KIF16B: variants seen among roughly 807,000 people sequenced by gnomAD.
KIF16B encodes the protein kinesin family member 16B.
KIF16B carries 98 observed loss-of-function variants against 156.3 expected under a neutral mutation model. That is an observed-to-expected ratio of 0.63 (90% CI 0.53 to 0.74). The LOEUF is 0.74. KIF16B is among the 30% of genes least tolerant of loss of function. The probability of loss-of-function intolerance (pLI) is 0.00; values close to 1 mark genes in which losing one functional copy is unlikely to be tolerated. For synonymous variants in KIF16B, 564 were observed against 583.7 expected, an observed-to-expected ratio of 0.97 and a Z score of 0.49; for missense variants, 1,421 against 1,606.5, an observed-to-expected ratio of 0.88 and a Z score of 1.97.
chr20:16,513,032 C>A lies in KIF16B; in HGVS notation c.349-109G>T, dbSNP rs189008386. 2.7e-5 allele frequency: 20 copies of A among 739,200 alleles called. No homozygotes were observed. The African/African-American group carries it at 2.8e-4, about 10-fold the overall frequency. The allele number at this position is 739,200 out of a possible 1,614,324, so 45.8% of individuals were successfully genotyped here. A position where few individuals can be genotyped will look rare whatever the true frequency, so the allele number is the denominator to read the frequency against. On this transcript the variant is annotated intron_variant, in intron 4 of 25. Coordinates refer to ENST00000354981, the MANE Select transcript of KIF16B (RefSeq NM_024704.5). Reference sequence around the variant, plus strand: ...TAGACTCAAGTGACCTGTATGCCAACCCCTGGCCTACCACAGCCCACGCCA... The same window carrying A: ...TAGACTCAAGTGACCTGTATGCCAAACCCTGGCCTACCACAGCCCACGCCA...
intron 1 of KIF16B, among the ~76,000 whole-genome samples, chr20:16,536,596 A>C (rs1210079304): frequency 6.6e-6 from 1 of 152,196 alleles, no homozygotes; most frequent in African/African-American, 2.4e-5. Flanking sequence ...CACAAATATA[A>C]AGTTTGTCAA....
At chr20:16,537,627 T>C (rs1043968828) in intron 1 of KIF16B, among the ~76,000 whole-genome samples, 4 of 151,976 alleles carry the variant, frequency 2.6e-5, no homozygotes, top group African/African-American at 9.7e-5. Flanking sequence ...CCTACATTCC[T>C]GGTTCTTGCC....
In KIF16B at chr20:16,273,351, T is replaced by C. The variant is rs2063010114; in HGVS notation, c.3856A>G (p.Asn1286Asp). 1 of 1,613,470 alleles carries C rather than the reference T, an allele frequency of 6.2e-7. No individual in the cohort carries two copies. The highest frequency in any genetic ancestry group is 8.5e-7 in the Non-Finnish European group (1 of 1,179,516). ...TTCGAGAGAGTCAGTCCCACTTTGTTGATGTGGAGGGGAGATGTTGCGGAC... is the reference window on the plus strand; with the variant it reads ...TTCGAGAGAGTCAGTCCCACTTTGTCGATGTGGAGGGGAGATGTTGCGGAC... ...LQSATSPLHI[N>D]KVGLTLSKHT... Residue 1286 changes from asparagine (N) to aspartate (D), a missense_variant, in exon 26 of 26, where the codon AAC (asparagine) becomes GAC (aspartate). Physicochemically the swap from Asn to Asp is conservative, Grantham distance 23. Transcript: ENST00000354981.
chr20:16,324,503 T>C (rs1296625084), intron 24 of KIF16B, among the ~76,000 whole-genome samples: 1 of 152,048 alleles, frequency 6.6e-6, no homozygotes, highest in African/African-American at 2.4e-5. Flanking sequence ...TCCAAGCTCA[T>C]TGCTGTGGAA....
chr20:16,548,016 A>C lies in KIF16B; in HGVS notation c.48-19576T>G, dbSNP rs62196287. Reference sequence around the variant, plus strand: ...TGAGAAGGGTGAGAATCAGCGTCCTAATTCTTGTTTCTCTAGCTCCCCCAT... The same window carrying C: ...TGAGAAGGGTGAGAATCAGCGTCCTCATTCTTGTTTCTCTAGCTCCCCCAT... On this transcript the variant is annotated intron_variant, in intron 1 of 25. Coordinates refer to ENST00000354981, the MANE Select transcript of KIF16B (RefSeq NM_024704.5). 1.3e-3 allele frequency among the ~76,000 whole-genome samples: 205 copies of C among 152,210 alleles called. 1 individual carries two copies. Among genetic ancestry groups the C allele is most frequent in the Admixed American group, 1.8e-3 (28 of 15,280 alleles).
chr20:16,494,501 A>T, intron 11 of KIF16B, 151 bp from the exon 12 acceptor site: 2 of 566,504 alleles, frequency 3.5e-6, no homozygotes, highest in Non-Finnish European at 6.2e-6. Context: ...ATCACCAAAG[A>T]TAAATCAAAC....
At chr20:16,532,755 A>C (rs16997830) in intron 1 of KIF16B, among the ~76,000 whole-genome samples, 6,079 of 152,252 alleles carry the variant, frequency 0.04, 210 homozygotes, top group South Asian at 0.15. Flanking sequence ...GGAACACAAA[A>C]TTATCCAGCT....
At chr20:16,348,995 T>C (rs951451763) in intron 23 of KIF16B, among the ~76,000 whole-genome samples, 9 of 152,166 alleles carry the variant, frequency 5.9e-5, no homozygotes, top group African/African-American at 2.2e-4. Flanking sequence ...CCTGGTCCCA[T>C]CCTGGTACCA....
intron 22 of KIF16B, among the ~76,000 whole-genome samples, chr20:16,364,876 C>T (rs750976883): frequency 5.3e-5 from 8 of 152,104 alleles, no homozygotes; most frequent in Non-Finnish European, 1.2e-4. Flanking sequence ...ATACGATGCT[C>T]GTATCTGCTG....
At chr20:16,477,341 A>T (rs1270066908) in intron 12 of KIF16B, among the ~76,000 whole-genome samples, 1 of 143,844 alleles carries the variant, frequency 7.0e-6, no homozygotes, top group African/African-American at 2.5e-5. Flanking sequence ...TTAGTTATTT[A>T]AGCCACACAG....
At chr20:16,338,669 T>A (rs1173289985) in intron 23 of KIF16B, among the ~76,000 whole-genome samples, 1 of 152,152 alleles carries the variant, frequency 6.6e-6, no homozygotes, top group Admixed American at 6.5e-5. Flanking sequence ...TAAAACCAAC[T>A]GTCTGCTCAC....
At chr20:16,370,207 T>C (rs2064782723) in intron 22 of KIF16B, among the ~76,000 whole-genome samples, 1 of 152,210 alleles carries the variant, frequency 6.6e-6, no homozygotes, top group Non-Finnish European at 1.5e-5. Flanking sequence ...ATCAAGAGTA[T>C]TTCCTTTATA....
At chr20:16,421,441 A>C (rs1037424765) in intron 15 of KIF16B, among the ~76,000 whole-genome samples, 2 of 152,094 alleles carry the variant, frequency 1.3e-5, no homozygotes, top group African/African-American at 4.8e-5. Context: ...TATCTGTCTC[A>C]TTCATGACTC....
At chr20:16,328,466 T>C (rs1387896031) in intron 24 of KIF16B, among the ~76,000 whole-genome samples, 2 of 152,198 alleles carry the variant, frequency 1.3e-5, no homozygotes, top group Non-Finnish European at 2.9e-5. Flanking sequence ...TACATTTTAA[T>C]ACATGAAATG....
intron 25 of KIF16B, among the ~76,000 whole-genome samples, chr20:16,307,196 G>C (rs1036797617): frequency 2.0e-5 from 3 of 152,120 alleles, no homozygotes; most frequent in Non-Finnish European, 2.9e-5. Flanking sequence ...TGTGGTTTTA[G>C]AGGATTTCAT....
At chr20:16,332,344 C>A (rs775129444) in intron 24 of KIF16B, among the ~76,000 whole-genome samples, 1 of 152,104 alleles carries the variant, frequency 6.6e-6, no homozygotes, top group African/African-American at 2.4e-5. Flanking sequence ...ACCTGGCCCA[C>A]GGTCAGCACC....
intron 12 of KIF16B, among the ~76,000 whole-genome samples, chr20:16,442,612 A>C (rs2066833480): frequency 6.6e-6 from 1 of 152,078 alleles, no homozygotes; most frequent in South Asian, 2.1e-4. Context: ...ATTAAAGCCA[A>C]AATCCTCTGG....
intron 17 of KIF16B, among the ~76,000 whole-genome samples, chr20:16,403,195 C>T (rs796089754): frequency 1.3e-5 from 2 of 152,316 alleles, no homozygotes; most frequent in African/African-American, 4.8e-5. Flanking sequence ...AAAACCAAGC[C>T]AGCACTCTTC....
At chr20:16,304,707 G>A (rs951569691) in intron 25 of KIF16B, among the ~76,000 whole-genome samples, 2 of 152,198 alleles carry the variant, frequency 1.3e-5, no homozygotes, top group Non-Finnish European at 2.9e-5. Context: ...AACATTAAAT[G>A]TAGAACTGCC....
Sources: gnomAD v4.1 joint callset for allele counts (sites outside exome capture counted in the v4.1 genomes callset) on GRCh38, gnomAD v4.1.1 for gene constraint, MANE v1.5 for transcripts, NCBI Gene and HGNC (gene_info 2026-07-23, HGNC 2026-07-21) for gene names.